Variants in CPLANE1 observed in about 807,000 individuals in gnomAD.
CPLANE1 encodes ciliogenesis and planar polarity effector complex subunit 1.
In CPLANE1, 263 loss-of-function variants were observed where a neutral mutation model predicts 362.5. The observed-to-expected ratio is 0.73, with a 90% CI of 0.66 to 0.80. CPLANE1 has a LOEUF of 0.80. Among genes scored for constraint, CPLANE1 ranks in the 30% least tolerant of loss-of-function variants. The pLI is 0.00. For missense variants in CPLANE1, 3,461 were observed against 3,793.4 expected, an observed-to-expected ratio of 0.91 and a Z score of 2.30; for synonymous variants, 1,212 against 1,302.6, an observed-to-expected ratio of 0.93 and a Z score of 1.50.
chr5:37,244,225 A>T (rs921949183), intron 5 of CPLANE1, 150 bp downstream of exon 5: 9 of 525,016 alleles, frequency 1.7e-5, no homozygotes, highest in African/African-American at 4.0e-5. Context: ...AACACTTTTT[A>T]AAAATGTGAC....
intron 18 of CPLANE1, 76 bp downstream of exon 18, chr5:37,205,239 A>G: frequency 1.1e-6 from 1 of 929,100 alleles, no homozygotes; most frequent in East Asian, 3.1e-5. Flanking sequence ...ACATTTGTAG[A>G]CATGTATAAA....
chr5:37,086,368 G>C, the CPLANE1 span, among the ~76,000 whole-genome samples: 1 of 152,154 alleles, frequency 6.6e-6, no homozygotes, highest in African/African-American at 2.4e-5. Context: ...AGACCACAGT[G>C]GAATAAAACT....
chr5:37,124,653 A>T (rs1397817862), intron 47 of CPLANE1, among the ~76,000 whole-genome samples: 1 of 152,084 alleles, frequency 6.6e-6, no homozygotes, highest in East Asian at 1.9e-4. Flanking sequence ...TCTGGGCTCA[A>T]ATGATCCTCC....
At position 37,230,853 on chromosome 5, in the gene CPLANE1, T is replaced by C. The variant is rs1399134341; in HGVS notation, c.1121+14A>G. The C allele has an allele frequency of 7.1e-7, 1 of 1,414,426 alleles. No individual in the cohort carries two copies. The highest frequency in any genetic ancestry group is 9.3e-7 in the Non-Finnish European group (1 of 1,076,632). The allele number at this position is 1,414,426 out of a possible 1,614,324, so 87.6% of individuals were successfully genotyped here. Reference sequence around the variant, plus strand: ...AAAATCTATAAACAAATTAACACAATTCAAATGTCTCACCTATACGTTATT... The same window carrying C: ...AAAATCTATAAACAAATTAACACAACTCAAATGTCTCACCTATACGTTATT... On this transcript the variant is annotated intron_variant, in intron 9 of 52. Transcript: ENST00000651892.
At chr5:37,088,564 G>A in the CPLANE1 span, among the ~76,000 whole-genome samples, 1 of 152,272 alleles carries the variant, frequency 6.6e-6, no homozygotes, top group East Asian at 1.9e-4. Context: ...CAGTGCATGT[G>A]TAAATTTGAT....
chr5:37,087,118 C>T, the CPLANE1 span, among the ~76,000 whole-genome samples: 1 of 152,218 alleles, frequency 6.6e-6, no homozygotes, highest in South Asian at 2.1e-4. Flanking sequence ...AGTTAAGAGA[C>T]CTAATGCAAA....
At position 37,210,790 on chromosome 5, in the gene CPLANE1, C is replaced by T. The variant is rs2150203204; in HGVS notation, c.2920+2769G>A. The T allele has an allele frequency of 2.5e-6, 3 of 1,221,110 alleles. No individual in the cohort carries two copies. The East Asian group carries it at 7.0e-5, about 28-fold the overall frequency. The allele number at this position is 1,221,110 out of a possible 1,614,324, so 75.6% of individuals were successfully genotyped here. ...CTCCTAAACCGCCTAGCTCAGCTGG[C>T]TCCTGAACTTGCGGTCTTTCAGAAA... is the stretch of plus-strand genomic sequence containing the variant. On this transcript the variant is annotated intron_variant, in intron 16 of 52. Transcript: ENST00000651892.
rs142777778 is a variant in CPLANE1, at chr5:37,182,852, C to A, written c.5329G>T (p.Val1777Leu). 1 of 1,612,942 alleles carries A rather than the reference C, an allele frequency of 6.2e-7. No individual in the cohort carries two copies. Among genetic ancestry groups the A allele is most frequent in the Non-Finnish European group, 8.5e-7 (1 of 1,179,712 alleles). The stretch of plus-strand genomic sequence containing the variant: ...AGAATGGCAGCTGTAGAGGTCTTTA[C>A]ACGAATTACTGGACTGTACTCAGAG... Reference protein sequence around the residue: ...SSSEYSPVIRVKTSTAAILTS... With the variant: ...SSSEYSPVIRLKTSTAAILTS... Residue 1777 changes from valine (V) to leucine (L), a missense_variant, in exon 26 of 53, where the codon GTA becomes TTA. Around this residue, in one of 2 missense-constraint regions of CPLANE1, gnomAD observed 3,380 missense variants for 3,666.1 expected, o/e 0.92. Transcript: ENST00000651892.
rs1213599040 is a variant in CPLANE1, at chr5:37,224,601, G to A, written c.2431C>T (p.His811Tyr). 2 of 1,551,252 alleles carry A rather than the reference G, an allele frequency of 1.3e-6. No homozygotes were observed. The highest frequency in any genetic ancestry group is 1.4e-5 in the African/African-American group (1 of 73,048). The stretch of plus-strand genomic sequence containing the variant: ...GTACTCTGTAGGTTAGCCTGCAAAT[G>A]ACATAACAGGGACTTGACAGTAGAT... ...EASTVKSLLC[H>Y]LQANLQSTGD... Residue 811 changes from histidine to tyrosine, a missense_variant, in exon 13 of 53, where the codon CAT becomes TAT. Coordinates refer to ENST00000651892, the MANE Select transcript of CPLANE1 (RefSeq NM_001384732.1).
intron 43 of CPLANE1, among the ~76,000 whole-genome samples, chr5:37,144,066 A>G (rs1197455218): frequency 1.3e-5 from 2 of 151,904 alleles, no homozygotes; most frequent in Non-Finnish European, 1.5e-5. Context: ...AAAGTCCCCA[A>G]AGTTAAATCT....
chr5:37,209,569 T>C lies in CPLANE1; in HGVS notation c.2921-3144A>G. 7.4e-7 allele frequency: 1 copy of C among 1,351,052 alleles called. No homozygotes were observed. The highest frequency in any genetic ancestry group is 1.1e-6 in the Non-Finnish European group (1 of 941,646). The allele number at this position is 1,351,052 out of a possible 1,614,324, so 83.7% of individuals were successfully genotyped here. ...TCCATTTCAGTGCAAGGGAGCTCCC[T>C]CTTAATAAGTGCCTCTAACTCTTTA... On this transcript the variant is annotated intron_variant, in intron 16 of 52. Coordinates refer to ENST00000651892, the MANE Select transcript of CPLANE1 (RefSeq NM_001384732.1). This position sits in a 1 kb window ranked among gnomAD's most constrained non-coding sequence, Gnocchi z 4.6.
In CPLANE1 at chr5:37,213,622, G is replaced by C; in HGVS notation, c.2857C>G (p.Gln953Glu). The change falls in exon 16 of 53, where the codon CAG (glutamine) becomes GAG (glutamate). Residue 953 changes from glutamine (Q) to glutamate (E), a missense_variant. By Grantham distance (29) the Gln-to-Glu change is conservative (BLOSUM62 2). Coordinates refer to ENST00000651892, the MANE Select transcript of CPLANE1 (RefSeq NM_001384732.1). ...TGAGGGGGCAAAATGCAAAGCTGCT[G>C]ATTGGTGAAATAGGCAGCCATGAAA... ...ARFMAAYFTN[Q>E]QLCILPPHHV... 1 of 1,548,670 alleles carries C rather than the reference G, an allele frequency of 6.5e-7. No homozygotes were observed. The highest frequency in any genetic ancestry group is 2.0e-5 in the Admixed American group (1 of 50,838).
chr5:37,085,372 G>A, the CPLANE1 span: 1 of 1,349,680 alleles, frequency 7.4e-7, no homozygotes, highest in Non-Finnish European at 1.1e-6. Flanking sequence ...GACACCAAGG[G>A]TCGCTTTGCT....
the CPLANE1 span, chr5:37,085,840 G>C: frequency 7.8e-7 from 1 of 1,289,900 alleles, no homozygotes; most frequent in South Asian, 1.2e-5. Flanking sequence ...GGGCCAAACA[G>C]AGCAGTGGGT....
intron 44 of CPLANE1, chr5:37,141,294 C>A (rs930480496): frequency 1.0e-6 from 1 of 985,152 alleles, no homozygotes; most frequent in Admixed American, 6.2e-5. Flanking sequence ...TAATTAGAAC[C>A]CTCTACCATC....
chr5:37,135,456 G>A (rs140420519), intron 46 of CPLANE1, among the ~76,000 whole-genome samples: 17 of 152,258 alleles, frequency 1.1e-4, no homozygotes, highest in East Asian at 7.7e-4. Context: ...TAATCATCGC[G>A]GAAGGGGAAG....
Position 37,106,880 on chromosome 5 carries a change from A to T in CPLANE1, c.*722T>A, listed in dbSNP as rs1440442167. 1 of 985,060 alleles carries T rather than the reference A, an allele frequency of 1.0e-6. No individual in the cohort carries two copies. The highest frequency in any genetic ancestry group is 1.2e-6 in the Non-Finnish European group (1 of 829,668). 61.0% of individuals were successfully genotyped at this position (985,060 alleles called of 1,614,324 possible). ...AAAAATTATCTCTTAAAACTATGAC[A>T]TTATTGGAGCACAATACCAAAAACT... is the stretch of plus-strand genomic sequence containing the variant. On this transcript the variant is annotated 3_prime_UTR_variant, in exon 53 of 53. Transcript: ENST00000651892.
intron 5 of CPLANE1, among the ~76,000 whole-genome samples, chr5:37,243,433 C>T (rs1008997874): frequency 6.6e-6 from 1 of 151,254 alleles, no homozygotes; most frequent in African/African-American, 2.4e-5. Context: ...AGCACACCAC[C>T]CTGAGAGTGG....
Position 37,165,560 on chromosome 5 carries a change from T to G in CPLANE1, c.7512A>C (p.Ser2504=). The G allele has an allele frequency of 1.2e-6, 2 of 1,608,884 alleles. No individual in the cohort carries two copies. The highest frequency in any genetic ancestry group is 1.7e-6 in the Non-Finnish European group (2 of 1,178,686). The change falls in exon 36 of 53, where the codon TCA becomes TCC. Residue 2504 remains serine, a synonymous_variant. Coordinates refer to ENST00000651892, the MANE Select transcript of CPLANE1 (RefSeq NM_001384732.1). ...ATACCTTGGGTTTCTTAATGATTTCTGAATCATCATTATTAATTATGGAAT... is the reference window on the plus strand; with the variant it reads ...ATACCTTGGGTTTCTTAATGATTTCGGAATCATCATTATTAATTATGGAAT... The part of the protein sequence containing the change: ...PENSIINNDD[S]EIIKKPKEQQ...
Sources: gnomAD v4.1 joint callset for allele counts (sites outside exome capture counted in the v4.1 genomes callset) on GRCh38, gnomAD v4.1.1 for gene constraint, gnomAD v4.1.1 regional missense constraint, Gnocchi (gnomAD v3.1) non-coding constraint, MANE v1.5 for transcripts, NCBI Gene and HGNC (gene_info 2026-07-23, HGNC 2026-07-21) for gene names.